The following ATP10A variants were observed in gnomAD, a reference collection of about 807,000 sequenced individuals.
ATP10A encodes the protein phospholipid-transporting ATPase VA.
Under a neutral mutation model 147.8 loss-of-function variants are expected in ATP10A, and 111 were observed. The ratio of observed to expected loss-of-function variants is 0.75; its 90% CI spans 0.64 to 0.88. The LOEUF (loss-of-function observed/expected upper bound fraction) is 0.88, where lower values mean the gene tolerates loss of function less well. Ranked by LOEUF, ATP10A falls within the 40% of genes least tolerant of loss-of-function variation. ATP10A has a pLI of 0.00. For synonymous variants in ATP10A, 875 were observed against 841.6 expected, an observed-to-expected ratio of 1.04 and a Z score of -0.69; for missense variants, 1,927 against 1,959.0, an observed-to-expected ratio of 0.98 and a Z score of 0.31.
intron 1 of ATP10A, among the ~76,000 whole-genome samples, chr15:25,852,672 G>A (rs916139935): frequency 6.6e-6 from 1 of 152,188 alleles, no homozygotes; most frequent in Non-Finnish European, 1.5e-5. Flanking sequence ...TGTCAACACA[G>A]CTGGACAGGC....
intron 1 of ATP10A, among the ~76,000 whole-genome samples, chr15:25,858,082 T>C (rs1438842286): frequency 6.6e-6 from 1 of 152,204 alleles, no homozygotes; most frequent in Non-Finnish European, 1.5e-5. Context: ...CCCAGTAATA[T>C]ATGATATGTA....
intron 2 of ATP10A, among the ~76,000 whole-genome samples, chr15:25,751,416 C>A (rs1204030554): frequency 1.3e-5 from 2 of 152,090 alleles, no homozygotes; most frequent in African/African-American, 4.8e-5. Context: ...ACCAGTGTTA[C>A]CTGTTTGACA....
intron 12 of ATP10A, among the ~76,000 whole-genome samples, chr15:25,707,295 T>C (rs770231263): frequency 2.6e-5 from 4 of 152,154 alleles, no homozygotes; most frequent in Non-Finnish European, 4.4e-5. Context: ...CAGGGCTTTG[T>C]GCTCGAGAAG....
intron 13 of ATP10A, among the ~76,000 whole-genome samples, chr15:25,701,490 C>T (rs529818411): frequency 1.1e-4 from 17 of 152,230 alleles, no homozygotes; most frequent in African/African-American, 4.1e-4. Context: ...CAGACCAGGG[C>T]AGTATATGAA....
chr15:25,744,496 G>C (rs1212354328), intron 2 of ATP10A, among the ~76,000 whole-genome samples: 1 of 152,168 alleles, frequency 6.6e-6, no homozygotes, highest in Non-Finnish European at 1.5e-5. Flanking sequence ...AAGCATCATG[G>C]AAGAACCAAC....
At chr15:25,813,000 C>G (rs564605300) in intron 1 of ATP10A, among the ~76,000 whole-genome samples, 1 of 152,198 alleles carries the variant, frequency 6.6e-6, no homozygotes, top group African/African-American at 2.4e-5. Flanking sequence ...ATCTGAGGAG[C>G]CAGGCAGAGC....
At chr15:25,756,275 A>C (rs568784661) in intron 2 of ATP10A, among the ~76,000 whole-genome samples, 1 of 152,192 alleles carries the variant, frequency 6.6e-6, no homozygotes, top group Admixed American at 6.5e-5. Flanking sequence ...GTTTGTCTAT[A>C]TGTCTGTATG....
chr15:25,702,156 T>C (rs1169984572), intron 12 of ATP10A, 56 bp from the exon 13 acceptor site: 9 of 1,517,900 alleles, frequency 5.9e-6, no homozygotes, highest in Middle Eastern at 1.8e-4. Flanking sequence ...CCCCCAATCC[T>C]TCTGGGGTGC....
At chr15:25,736,746 G>A (rs1043410485) in intron 2 of ATP10A, among the ~76,000 whole-genome samples, 1 of 152,190 alleles carries the variant, frequency 6.6e-6, no homozygotes, top group Non-Finnish European at 1.5e-5. Context: ...AGGCTTAGGA[G>A]TGGGGGGAAG....
chr15:25,704,898 T>A (rs764154855), intron 12 of ATP10A, among the ~76,000 whole-genome samples: 16 of 152,168 alleles, frequency 1.1e-4, no homozygotes, highest in Non-Finnish European at 1.9e-4. Flanking sequence ...GAGTTGGTGG[T>A]GTGCAGAGCC....
At chr15:25,837,975 T>C (rs1039524655) in intron 1 of ATP10A, among the ~76,000 whole-genome samples, 1 of 152,228 alleles carries the variant, frequency 6.6e-6, no homozygotes, top group East Asian at 1.9e-4. Context: ...ACAGCTGAGC[T>C]GCCAGGGCTC....
At chr15:25,740,844 G>C (rs981761693) in intron 2 of ATP10A, among the ~76,000 whole-genome samples, 6 of 152,132 alleles carry the variant, frequency 3.9e-5, no homozygotes. Flanking sequence ...TCCTCATCCC[G>C]TGCAACAGCA....
At chr15:25,736,025 G>A (rs780329818) in intron 3 of ATP10A, 31 bp downstream of exon 3, 1 of 1,553,238 alleles carries the variant, frequency 6.4e-7, no homozygotes, top group South Asian at 1.1e-5. Context: ...TCAAACAGAA[G>A]GATGCGCGCA....
chr15:25,731,936 G>A (rs1376777583), intron 3 of ATP10A, among the ~76,000 whole-genome samples: 1 of 151,832 alleles, frequency 6.6e-6, no homozygotes, highest in African/African-American at 2.4e-5. Context: ...GCTCACTGCA[G>A]CCTGGACCTC....
intron 7 of ATP10A, among the ~76,000 whole-genome samples, chr15:25,718,690 C>T (rs1399230541): frequency 3.9e-5 from 6 of 152,246 alleles, no homozygotes; most frequent in Admixed American, 1.3e-4. Context: ...GACGTCCAGC[C>T]GGTCTCTTCA....
At chr15:25,795,786 G>A (rs1353530381) in intron 1 of ATP10A, among the ~76,000 whole-genome samples, 1 of 152,154 alleles carries the variant, frequency 6.6e-6, no homozygotes, top group East Asian at 1.9e-4. Context: ...GATCCCCAGC[G>A]TTAGAGGTGG....
intron 2 of ATP10A, among the ~76,000 whole-genome samples, chr15:25,773,977 C>T (rs1295379760): frequency 6.6e-6 from 1 of 152,088 alleles, no homozygotes; most frequent in African/African-American, 2.4e-5. Flanking sequence ...GTTTCAAACC[C>T]TTTGCAACTG....
intron 1 of ATP10A, among the ~76,000 whole-genome samples, chr15:25,841,279 GTT>G (rs59687038): frequency 0.2 from 29,364 of 145,566 alleles, 3,185 homozygotes; most frequent in South Asian, 0.45. Context: ...GAGGTTTAGG[GTT>G]TTTTTTTTTT....
rs10523875 is a variant in ATP10A, at chr15:25,714,965, TACACACACACAC to T, written c.1777-736_1777-725del. Reference sequence around the variant, plus strand: ...TAAGAAACAAAATGAATGACACATATACACACACACACACACACACACACACACACACACACA... The same window carrying T: ...TAAGAAACAAAATGAATGACACATATACACACACACACACACACACACACA... On this transcript the variant is annotated intron_variant, in intron 9 of 20. Transcript: ENST00000555815. 3.3e-3 allele frequency among the ~76,000 whole-genome samples: 484 copies of T among 145,698 alleles called. 4 individuals are homozygous for T. The highest frequency in any genetic ancestry group is 0.011 in the African/African-American group (438 of 39,636).
Sources: allele counts gnomAD v4.1 joint callset (sites outside exome capture counted in the v4.1 genomes callset), GRCh38; gene constraint gnomAD v4.1.1; transcripts MANE v1.5; gene names NCBI Gene and HGNC (gene_info 2026-07-23, HGNC 2026-07-21).